PDE4B: variants seen among roughly 807,000 people sequenced by gnomAD.
PDE4B encodes the protein phosphodiesterase 4B.
PDE4B carries 20 observed loss-of-function variants against 82.2 expected under a neutral mutation model. That is an observed-to-expected ratio of 0.24 (90% CI 0.17 to 0.35). PDE4B has a LOEUF of 0.35. PDE4B is among the 10% of genes least tolerant of loss of function. PDE4B has a pLI of 1.00. For synonymous variants in PDE4B, 320 were observed against 318.9 expected (o/e 1.00, Z -0.04); for missense variants, 655 against 907.2 (o/e 0.72, Z 3.57).
chr1:66,041,355 A>G (rs1264515623), intron 3 of PDE4B, among the ~76,000 whole-genome samples: 2 of 151,900 alleles, frequency 1.3e-5, no homozygotes, highest in African/African-American at 2.4e-5. Context: ...TGTATTGACA[A>G]TCTCTCTTGA....
At chr1:65,994,717 G>T (rs554537992) in intron 3 of PDE4B, among the ~76,000 whole-genome samples, 1 of 152,088 alleles carries the variant, frequency 6.6e-6, no homozygotes, top group South Asian at 2.1e-4. Flanking sequence ...ATATTAAATT[G>T]CTATTTTAAC....
At chr1:66,262,703 G>A (rs1654773863) in intron 6 of PDE4B, among the ~76,000 whole-genome samples, 1 of 152,138 alleles carries the variant, frequency 6.6e-6, no homozygotes. Context: ...CATTGAAAAT[G>A]TATTGAGCCT....
chr1:66,217,421 G>T (rs892404360), intron 3 of PDE4B, among the ~76,000 whole-genome samples: 40 of 152,240 alleles, frequency 2.6e-4, no homozygotes, highest in African/African-American at 9.4e-4. Context: ...AAATGCAGCA[G>T]CCACAAGAGC....
At chr1:66,344,151 G>A (rs952226965) in intron 8 of PDE4B, among the ~76,000 whole-genome samples, 6 of 152,182 alleles carry the variant, frequency 3.9e-5, no homozygotes, top group Non-Finnish European at 8.8e-5. Context: ...TTCTATAAGT[G>A]AGTCAGATGA....
intron 10 of PDE4B, among the ~76,000 whole-genome samples, chr1:66,362,855 C>G (rs1409081139): frequency 3.3e-5 from 5 of 152,170 alleles, no homozygotes; most frequent in African/African-American, 1.2e-4. Flanking sequence ...AGAGTGATCT[C>G]TATTCACTTG....
At chr1:65,879,170 G>T (rs1449681212) in intron 1 of PDE4B, among the ~76,000 whole-genome samples, 1 of 152,066 alleles carries the variant, frequency 6.6e-6, no homozygotes, top group Non-Finnish European at 1.5e-5. Context: ...GGGTGCCTGA[G>T]ATATGCAGTA....
At position 65,932,235 on chromosome 1, in the gene PDE4B, G is replaced by A. The variant is rs1432331066; in HGVS notation, c.281+13400G>A. Among the ~76,000 whole-genome samples, 3 of 151,470 alleles carry A rather than the reference G, an allele frequency of 2.0e-5. No homozygotes were observed. The Admixed American group carries it at 2.0e-4, about 10-fold the overall frequency. ...AGTCCCACCCACAAGCTCAGTGTAG[G>A]GTGAACAGGTGAAAAACCACAGATC... On this transcript the variant is annotated intron_variant, in intron 3 of 16. Coordinates refer to ENST00000341517, the MANE Select transcript of PDE4B (RefSeq NM_002600.4).
rs1320778417 is a variant in PDE4B, at chr1:66,365,778, A to G, written c.1384+12A>G. ...TCTCATCAACACAAGTGAGTTCACC[A>G]CTACAGCAGTCATTCCAGATAATTG... is the stretch of plus-strand genomic sequence containing the variant. On this transcript the variant is annotated intron_variant, in intron 13 of 16. Coordinates refer to ENST00000341517, the MANE Select transcript of PDE4B (RefSeq NM_002600.4). The G allele has an allele frequency of 2.1e-6, 3 of 1,444,596 alleles. No individual in the cohort carries two copies. Among genetic ancestry groups the G allele is most frequent in the African/African-American group, 1.4e-5 (1 of 71,758 alleles). The allele number at this position is 1,444,596 out of a possible 1,614,324, so 89.5% of individuals were successfully genotyped here.
intron 1 of PDE4B, among the ~76,000 whole-genome samples, chr1:65,898,271 G>A (rs187141177): frequency 2.6e-5 from 4 of 151,120 alleles, no homozygotes; most frequent in Non-Finnish European, 4.4e-5. Flanking sequence ...CTTCCATTTT[G>A]TGGGGTTTCT....
At chr1:66,295,604 T>C (rs577387078) in intron 7 of PDE4B, among the ~76,000 whole-genome samples, 19 of 152,236 alleles carry the variant, frequency 1.2e-4, no homozygotes, top group African/African-American at 4.6e-4. Flanking sequence ...AATTTTTGTA[T>C]TTTCAGTAGA....
chr1:66,355,023 T>A, intron 8 of PDE4B: 1 of 728,352 alleles, frequency 1.4e-6, no homozygotes, highest in East Asian at 2.7e-5. Flanking sequence ...TGGGACCTCT[T>A]ATTTTGAAAT....
At chr1:66,213,591 C>G (rs1650230718) in intron 3 of PDE4B, among the ~76,000 whole-genome samples, 1 of 152,100 alleles carries the variant, frequency 6.6e-6, no homozygotes, top group African/African-American at 2.4e-5. Context: ...TTAGGATTTC[C>G]TCTCTGAAAC....
intron 3 of PDE4B, among the ~76,000 whole-genome samples, chr1:66,245,630 A>G (rs956509576): frequency 5.9e-5 from 9 of 152,236 alleles, no homozygotes; most frequent in African/African-American, 2.2e-4. Flanking sequence ...GGCTGCTAGT[A>G]TGAGTGATTG....
At chr1:66,233,474 C>A (rs924773404) in intron 3 of PDE4B, among the ~76,000 whole-genome samples, 2 of 152,012 alleles carry the variant, frequency 1.3e-5, no homozygotes, top group East Asian at 3.9e-4. Flanking sequence ...TAATAAAAAT[C>A]ATTTTATGTC....
At position 66,332,269 on chromosome 1, in the gene PDE4B, C is replaced by G; in HGVS notation, c.635-239C>G. The G allele has an allele frequency of 4.0e-6, 6 of 1,487,604 alleles. 1 individual carries two copies. In the South Asian group the frequency reaches 8.2e-5, roughly 20 times the overall value. 92.2% of individuals were successfully genotyped at this position (1,487,604 alleles called of 1,614,324 possible). ...CAGAGGAAGTTTCTTGGTAGATCACCGACACCTCATCCAGGCGGGGGGTTG... is the reference window on the plus strand; with the variant it reads ...CAGAGGAAGTTTCTTGGTAGATCACGGACACCTCATCCAGGCGGGGGGTTG... On this transcript the variant is annotated intron_variant, in intron 7 of 16. Coordinates refer to ENST00000341517, the MANE Select transcript of PDE4B (RefSeq NM_002600.4).
chr1:66,041,404 G>T (rs1392812), intron 3 of PDE4B, among the ~76,000 whole-genome samples: 1 of 151,752 alleles, frequency 6.6e-6, no homozygotes, highest in African/African-American at 2.4e-5. Context: ...GCTGACAATC[G>T]TTATAGTAGC....
At chr1:65,857,477 T>C (rs1213406680) in intron 1 of PDE4B, among the ~76,000 whole-genome samples, 1 of 152,132 alleles carries the variant, frequency 6.6e-6, no homozygotes, top group African/African-American at 2.4e-5. Context: ...AAGGTGACTT[T>C]AAATAAAACT....
chr1:66,132,182 T>C (rs1260784313), intron 3 of PDE4B, among the ~76,000 whole-genome samples: 2 of 152,144 alleles, frequency 1.3e-5, no homozygotes, highest in Non-Finnish European at 2.9e-5. Context: ...GACTTTAGAG[T>C]GTCCCTGAAA....
chr1:66,178,712 T>TA (rs1240514374), intron 3 of PDE4B, among the ~76,000 whole-genome samples: 1 of 152,208 alleles, frequency 6.6e-6, no homozygotes, highest in Non-Finnish European at 1.5e-5. Flanking sequence ...CTATATAAGA[T>TA]ATGCTGCGTG....
Sources: gnomAD v4.1 joint callset for allele counts (sites outside exome capture counted in the v4.1 genomes callset) on GRCh38, gnomAD v4.1.1 for gene constraint, MANE v1.5 for transcripts, NCBI Gene and HGNC (gene_info 2026-07-23, HGNC 2026-07-21) for gene names.